ATAD3A: variants seen among roughly 807,000 people sequenced by gnomAD.
The protein encoded by ATAD3A is ATPase family AAA domain-containing protein 3A.
In ATAD3A, 46 loss-of-function variants were observed where a neutral mutation model predicts 73.8. The ratio of observed to expected loss-of-function variants is 0.62; its 90% CI spans 0.49 to 0.80. ATAD3A has a LOEUF of 0.80. ATAD3A is among the 30% of genes least tolerant of loss of function. The pLI, the probability that ATAD3A is intolerant of heterozygous loss-of-function variation, is 0.00. For synonymous variants in ATAD3A, 319 were observed against 350.0 expected, an observed-to-expected ratio of 0.91 and a Z score of 0.99; for missense variants, 705 against 838.0, an observed-to-expected ratio of 0.84 and a Z score of 1.96.
Position 1,517,768 on chromosome 1 carries a change from A to C in ATAD3A, c.437A>C (p.Lys146Thr). ...LARQRYEDQL[K>T]QQQLLNEENL... ...CGGCAGCGCTACGAGGACCAACTGA[A>C]GCAGCAGGTGAGCTCAGCCTCCCCT... The change falls in exon 4 of 16, where the codon AAG becomes ACG. Residue 146 changes from lysine to threonine, a missense_variant. Lys to Thr is a moderately conservative substitution (Grantham distance 78, BLOSUM62 -1). Transcript: ENST00000378756. 7.1e-7 allele frequency: 1 copy of C among 1,401,438 alleles called. No homozygotes were observed. Among genetic ancestry groups the C allele is most frequent in the South Asian group, 1.2e-5 (1 of 83,910 alleles). The allele number at this position is 1,401,438 out of a possible 1,614,324, so 86.8% of individuals were successfully genotyped here.
At chr1:1,522,621 C>T (rs1641639321) in intron 7 of ATAD3A, 123 bp from the exon 8 acceptor site, 1 of 1,515,754 alleles carries the variant, frequency 6.6e-7, no homozygotes, top group East Asian at 2.3e-5. Context: ...TCCTGTGGGG[C>T]CAGTGCACGG....
At chr1:1,528,088 T>A (rs1049230994) in intron 14 of ATAD3A, among the ~76,000 whole-genome samples, 10 of 151,450 alleles carry the variant, frequency 6.6e-5, no homozygotes, top group Non-Finnish European at 1.3e-4. Context: ...GCCTCCTGAG[T>A]AGCTGAGATT....
intron 13 of ATAD3A, 55 bp downstream of exon 13, chr1:1,526,586 C>G: frequency 1.9e-6 from 3 of 1,611,272 alleles, no homozygotes; most frequent in Non-Finnish European, 2.5e-6. Flanking sequence ...AGCCGTCGCC[C>G]TTGGTTCCCA....
chr1:1,521,607 G>A (rs573865520), intron 7 of ATAD3A, among the ~76,000 whole-genome samples: 1 of 152,392 alleles, frequency 6.6e-6, no homozygotes, highest in South Asian at 2.1e-4. Context: ...GGCCTGGTCA[G>A]TGTGACGGTG....
intron 15 of ATAD3A, among the ~76,000 whole-genome samples, chr1:1,529,936 G>C (rs1340788382): frequency 6.6e-6 from 1 of 152,224 alleles, no homozygotes; most frequent in Non-Finnish European, 1.5e-5. Context: ...AAACCAGGTT[G>C]GTGGGGCAGA....
rs1172181803 is a variant in ATAD3A, at chr1:1,525,297, T to A, written c.1266+6T>A. On this transcript the variant is annotated splice_donor_region_variant and intron_variant, in intron 12 of 15. Coordinates refer to ENST00000378756, the MANE Select transcript of ATAD3A (RefSeq NM_001170535.3). Reference sequence around the variant, plus strand: ...TCCTTCGGAAGCGAGCCACCGTGAGTGTCACTAAGCCTCTGGCCACAATGG... The same window carrying A: ...TCCTTCGGAAGCGAGCCACCGTGAGAGTCACTAAGCCTCTGGCCACAATGG... 2.5e-6 allele frequency: 4 copies of A among 1,613,036 alleles called. No individual in the cohort carries two copies.
At position 1,523,463 on chromosome 1, in the gene ATAD3A, G is replaced by A. The variant is rs113675974; in HGVS notation, c.907-48G>A. 1.1e-5 allele frequency: 18 copies of A among 1,599,982 alleles called. No homozygotes were observed. In the East Asian group the frequency reaches 1.8e-4, roughly 16 times the overall value. On this transcript the variant is annotated intron_variant, in intron 8 of 15. Coordinates refer to ENST00000378756, the MANE Select transcript of ATAD3A (RefSeq NM_001170535.3). This position sits in a 1 kb window ranked among gnomAD's most constrained non-coding sequence, Gnocchi z 5.1. ...GTGTGTGCGCGTTGGTGGCTGTTCCGTGGCTGTGGCAGGTGACCCGATGGC... is the reference window on the plus strand; with the variant it reads ...GTGTGTGCGCGTTGGTGGCTGTTCCATGGCTGTGGCAGGTGACCCGATGGC...
intron 12 of ATAD3A, among the ~76,000 whole-genome samples, 182 bp downstream of exon 12, chr1:1,525,473 G>A (rs951977497): frequency 2.0e-5 from 3 of 147,642 alleles, no homozygotes; most frequent in African/African-American, 7.6e-5. Flanking sequence ...GGAGTGCAAT[G>A]GCCCCATCTC....
chr1:1,516,964 G>C, intron 2 of ATAD3A: 1 of 901,420 alleles, frequency 1.1e-6, no homozygotes, highest in Non-Finnish European at 1.6e-6. Context: ...CACCCACTTT[G>C]GCCTCCCAAA....
chr1:1,525,808 C>G (rs1442071954), intron 12 of ATAD3A, among the ~76,000 whole-genome samples: 1 of 152,110 alleles, frequency 6.6e-6, no homozygotes, highest in African/African-American at 2.4e-5. Flanking sequence ...GGAGCTCAAG[C>G]AATCCTCCTG....
intron 10 of ATAD3A, 53 bp downstream of exon 10, chr1:1,524,017 C>T: frequency 6.2e-7 from 1 of 1,612,098 alleles, no homozygotes; most frequent in Non-Finnish European, 8.5e-7. Context: ...GTCTCACCTG[C>T]CTGCAGGTGT....
rs1320908153 is a variant in ATAD3A, at chr1:1,519,230, CT to C, written c.514+254del. On this transcript the variant is annotated intron_variant, in intron 5 of 15. Coordinates refer to ENST00000378756, the MANE Select transcript of ATAD3A (RefSeq NM_001170535.3). ...TTCACTTCATGGGAAGTACAGGGGC[CT>C]TTTTTTTTTTTTTGAGACGGAGTCT... Among the ~76,000 whole-genome samples, 104 of 132,330 alleles carry C rather than the reference CT, an allele frequency of 7.9e-4. 1 individual carries two copies. Among genetic ancestry groups the C allele is most frequent in the East Asian group, 8.4e-4 (4 of 4,756 alleles). The allele number at this position is 132,330 out of a possible 152,430, so 86.8% of individuals were successfully genotyped here. A position where few individuals can be genotyped will look rare whatever the true frequency, so the allele number is the denominator to read the frequency against.
In ATAD3A at chr1:1,520,969, C is replaced by T. The variant is rs1440715225; in HGVS notation, c.750+352C>T. 6.6e-6 allele frequency among the ~76,000 whole-genome samples: 1 copy of T among 152,074 alleles called. No individual in the cohort carries two copies. The highest frequency in any genetic ancestry group is 1.5e-5 in the Non-Finnish European group (1 of 67,998). The stretch of plus-strand genomic sequence containing the variant: ...GCACTGAGCTGAGATCGCAGCACTG[C>T]ACTCCATCCTGGGCGACAAAGTCCT... On this transcript the variant is annotated intron_variant, in intron 7 of 15. Coordinates refer to ENST00000378756, the MANE Select transcript of ATAD3A (RefSeq NM_001170535.3). This position sits in a 1 kb window ranked among gnomAD's most constrained non-coding sequence, Gnocchi z 4.0.
chr1:1,517,452 C>T (rs564375426), intron 3 of ATAD3A, 40 bp downstream of exon 3: 306 of 1,432,984 alleles, frequency 2.1e-4, no homozygotes, highest in South Asian at 1.2e-3. Context: ...CGCCCGGCTG[C>T]GGGGAGCGGC....
intron 4 of ATAD3A, among the ~76,000 whole-genome samples, chr1:1,518,662 C>T (rs1489835415): frequency 2.4e-5 from 2 of 84,122 alleles, no homozygotes; most frequent in South Asian, 4.9e-4. Context: ...ACCCCCCGCA[C>T]GGGTACACAC....
chr1:1,518,829 C>T, intron 4 of ATAD3A, 92 bp from the exon 5 acceptor site: 1 of 1,609,014 alleles, frequency 6.2e-7, no homozygotes. Flanking sequence ...CACACTCACC[C>T]CCCTGCACAC....
intron 2 of ATAD3A, chr1:1,517,016 C>G (rs1641380623): frequency 5.0e-6 from 7 of 1,403,378 alleles, no homozygotes; most frequent in Non-Finnish European, 6.6e-6. Context: ...CCGGTCCACT[C>G]AGCAGGATTC....
In ATAD3A at chr1:1,520,875, A is replaced by G. The variant is rs1077906; in HGVS notation, c.750+258A>G. ...TCAAATATTAGCTGGGTGTGGTGGC[A>G]GCCCCTGTGGTCCCACTACTCAAGA... On this transcript the variant is annotated intron_variant, in intron 7 of 15. Coordinates refer to ENST00000378756, the MANE Select transcript of ATAD3A (RefSeq NM_001170535.3). The surrounding 1 kb of genome is among the most constrained non-coding windows in gnomAD (Gnocchi z 4.0). Among the ~76,000 whole-genome samples, 35,273 of 152,054 alleles carry G rather than the reference A, an allele frequency of 0.23. 8,561 individuals are homozygous for G. Among genetic ancestry groups the G allele is most frequent in the African/African-American group, 0.6 (24,703 of 41,428 alleles).
At chr1:1,527,493 T>C (rs1464451427) in intron 13 of ATAD3A, among the ~76,000 whole-genome samples, 1 of 152,100 alleles carries the variant, frequency 6.6e-6, no homozygotes, top group Non-Finnish European at 1.5e-5. Context: ...GAAAGCACTA[T>C]ATGGAGGGAG....
Sources: allele counts gnomAD v4.1 joint callset (sites outside exome capture counted in the v4.1 genomes callset), GRCh38; gene constraint gnomAD v4.1.1; non-coding constraint Gnocchi (gnomAD v3.1); transcripts MANE v1.5; gene names NCBI Gene and HGNC (gene_info 2026-07-23, HGNC 2026-07-21).